CENPC: variants seen among roughly 807,000 people sequenced by gnomAD.
CENPC encodes CENP-C 1.
Under a neutral mutation model 112.1 loss-of-function variants are expected in CENPC, and 63 were observed. The observed-to-expected ratio is 0.56, with a 90% CI of 0.46 to 0.69. The LOEUF is 0.69. Among genes scored for constraint, CENPC ranks in the 30% least tolerant of loss-of-function variants. CENPC has a pLI of 0.00. For missense variants in CENPC, 1,000 were observed against 1,103.8 expected (o/e 0.91, Z 1.33); for synonymous variants, 333 against 367.6 (o/e 0.91, Z 1.08).
chr4:67,527,361 C>G (rs1726412607), intron 5 of CENPC, among the ~76,000 whole-genome samples: 2 of 152,096 alleles, frequency 1.3e-5, no homozygotes, highest in South Asian at 4.1e-4. Flanking sequence ...ATTAAAAATT[C>G]TCAGCATACT....
At position 67,495,163 on chromosome 4, in the gene CENPC, T is replaced by C; in HGVS notation, c.2181A>G (p.Lys727=). The change falls in exon 13 of 19, where the codon AAA becomes AAG. Residue 727 remains lysine, a synonymous_variant. Transcript: ENST00000273853. ...KVIPKNRIHH[K]LVLPSNTPNV... The stretch of plus-strand genomic sequence containing the variant: ...AAAAAAGAAAAATATTCTTACCTAG[T>C]TTGTGATGGATTCTGTTCTTTGGTA... 1.3e-6 allele frequency: 2 copies of C among 1,524,206 alleles called. No individual in the cohort carries two copies. The highest frequency in any genetic ancestry group is 1.8e-6 in the Non-Finnish European group (2 of 1,138,148). 94.4% of individuals were successfully genotyped at this position (1,524,206 alleles called of 1,614,324 possible). A position where few individuals can be genotyped will look rare whatever the true frequency, so the allele number is the denominator to read the frequency against.
chr4:67,514,765 A>G, intron 7 of CENPC, 78 bp from the exon 8 acceptor site: 1 of 1,358,852 alleles, frequency 7.4e-7, no homozygotes, highest in Non-Finnish European at 9.8e-7. Context: ...TAATCTAGGA[A>G]ATAAAATCTA....
At chr4:67,489,383 T>C (rs984555262) in intron 17 of CENPC, among the ~76,000 whole-genome samples, 12 of 140,938 alleles carry the variant, frequency 8.5e-5, no homozygotes, top group Non-Finnish European at 1.7e-4. Flanking sequence ...TATAATAGTA[T>C]ATTATTTAGC....
intron 7 of CENPC, among the ~76,000 whole-genome samples, chr4:67,517,151 G>A (rs1726080905): frequency 6.6e-6 from 1 of 151,690 alleles, no homozygotes; most frequent in African/African-American, 2.4e-5. Flanking sequence ...CATTTAACAT[G>A]TTTTTATAAA....
chr4:67,522,917 T>C (rs759040672), intron 5 of CENPC, among the ~76,000 whole-genome samples: 5 of 152,056 alleles, frequency 3.3e-5, no homozygotes, highest in Non-Finnish European at 7.4e-5. Flanking sequence ...GGAGAATCAC[T>C]TGAACTCAGG....
chr4:67,520,132 C>A (rs1027756571), intron 5 of CENPC, among the ~76,000 whole-genome samples: 2 of 152,120 alleles, frequency 1.3e-5, no homozygotes, highest in East Asian at 3.9e-4. Context: ...GAAATGCATT[C>A]TCTGAACAAG....
chr4:67,479,156 C>T (rs1724888485), intron 17 of CENPC, among the ~76,000 whole-genome samples: 1 of 152,080 alleles, frequency 6.6e-6, no homozygotes, highest in Non-Finnish European at 1.5e-5. Flanking sequence ...CAGCAGTAAA[C>T]AGGTCATCAA....
At chr4:67,513,555 C>T (rs1195971900) in intron 8 of CENPC, among the ~76,000 whole-genome samples, 1 of 152,024 alleles carries the variant, frequency 6.6e-6, no homozygotes, top group Non-Finnish European at 1.5e-5. Context: ...CCTTTTAATC[C>T]TATGCATGTA....
intron 14 of CENPC, chr4:67,493,511 T>G (rs1725342101): frequency 5.4e-6 from 1 of 185,236 alleles, no homozygotes; most frequent in Non-Finnish European, 1.1e-5. Flanking sequence ...AACTCTACGA[T>G]TAACACTACA....
intron 9 of CENPC, 40 bp downstream of exon 9, chr4:67,512,362 T>A (rs1288907668): frequency 2.1e-6 from 3 of 1,433,000 alleles, no homozygotes; most frequent in Non-Finnish European, 1.9e-6. Context: ...ACAGAATGAT[T>A]TTGTCTATGA....
intron 12 of CENPC, among the ~76,000 whole-genome samples, chr4:67,497,128 C>T (rs1210699489): frequency 1.3e-5 from 2 of 151,998 alleles, no homozygotes; most frequent in Non-Finnish European, 2.9e-5. Context: ...AACTGTAATC[C>T]CAGCACTTTG....
At chr4:67,517,435 T>A (rs1019868991) in intron 7 of CENPC, among the ~76,000 whole-genome samples, 3 of 151,660 alleles carry the variant, frequency 2.0e-5, no homozygotes, top group African/African-American at 7.3e-5. Context: ...GTGCTAGCAT[T>A]ACAGACATGA....
At chr4:67,540,280 G>GT (rs1173019210) in intron 3 of CENPC, among the ~76,000 whole-genome samples, 1 of 152,156 alleles carries the variant, frequency 6.6e-6, no homozygotes, top group Non-Finnish European at 1.5e-5. Flanking sequence ...AGTTTTTGCT[G>GT]TAATTTATGA....
Position 67,514,593 on chromosome 4 carries a change from C to T in CENPC, c.925G>A (p.Asp309Asn), listed in dbSNP as rs1445788135. ...IEDEFIIDES[D>N]QSFASRSWIT... ...CAAGATCTACTGGCAAAACTTTGAT[C>T]CGACTCATCAATTATAAATTCATCC... The change falls in exon 8 of 19, where the codon GAT becomes AAT. Residue 309 changes from aspartate to asparagine, a missense_variant. Transcript: ENST00000273853. 2 of 1,608,364 alleles carry T rather than the reference C, an allele frequency of 1.2e-6. No homozygotes were observed. Among genetic ancestry groups the T allele is most frequent in the Admixed American group, 3.4e-5 (2 of 59,212 alleles).
At chr4:67,515,679 C>T (rs964286786) in intron 7 of CENPC, among the ~76,000 whole-genome samples, 4 of 151,890 alleles carry the variant, frequency 2.6e-5, no homozygotes, top group Non-Finnish European at 2.9e-5. Context: ...TGTGTAGCAA[C>T]TTATGACAGC....
chr4:67,473,870 T>G (rs1724734956), intron 18 of CENPC, among the ~76,000 whole-genome samples: 1 of 152,296 alleles, frequency 6.6e-6, no homozygotes, highest in South Asian at 2.1e-4. Context: ...ATCATACTTG[T>G]TGAATGAGTG....
At chr4:67,535,577 G>A (rs1726694796) in intron 4 of CENPC, among the ~76,000 whole-genome samples, 1 of 151,946 alleles carries the variant, frequency 6.6e-6, no homozygotes, top group South Asian at 2.1e-4. Flanking sequence ...AGTCAAAAAT[G>A]GAAAAACCAA....
intron 12 of CENPC, among the ~76,000 whole-genome samples, chr4:67,500,879 G>A (rs1725573939): frequency 6.6e-6 from 1 of 152,176 alleles, no homozygotes; most frequent in African/African-American, 2.4e-5. Flanking sequence ...TTGGTGAATG[G>A]AGGTTTGACA....
chr4:67,485,600 AGCAG>A (rs1725074463), intron 17 of CENPC, among the ~76,000 whole-genome samples: 1 of 152,182 alleles, frequency 6.6e-6, no homozygotes, highest in Non-Finnish European at 1.5e-5. Flanking sequence ...TTCTTATTAT[AGCAG>A]CCCAATCTGA....
Sources: gnomAD v4.1 joint callset for allele counts (sites outside exome capture counted in the v4.1 genomes callset) on GRCh38, gnomAD v4.1.1 for gene constraint, MANE v1.5 for transcripts, NCBI Gene and HGNC (gene_info 2026-07-23, HGNC 2026-07-21) for gene names.